FHIP1A: variants seen among roughly 807,000 people sequenced by gnomAD.
FHIP1A encodes FHF complex subunit HOOK-interacting protein 1A.
A neutral mutation model predicts 88.6 loss-of-function variants in FHIP1A; 61 were observed. That is an observed-to-expected ratio of 0.69 (90% CI 0.56 to 0.85). FHIP1A has a LOEUF of 0.85. Among genes scored for constraint, FHIP1A ranks in the 40% least tolerant of loss-of-function variants. The pLI, the probability that FHIP1A is intolerant of heterozygous loss-of-function variation, is 0.00. For missense variants in FHIP1A, 1,154 were observed against 1,273.5 expected (o/e 0.91, Z 1.43); for synonymous variants, 478 against 496.0 (o/e 0.96, Z 0.48).
rs575604913 is a variant in FHIP1A, at chr4:151,588,891, T to C, written c.943T>C (p.Phe315Leu). The change falls in exon 7 of 14, where the codon TTT (phenylalanine) becomes CTT (leucine). Residue 315 changes from phenylalanine (F) to leucine (L), a missense_variant. Coordinates refer to ENST00000435205, the MANE Select transcript of FHIP1A (RefSeq NM_001109977.3). ...NQLVNYIYNG[F>L]LVPVLAPALH... ...GCTTGTCAATTACATTTACAATGGATTTTTGGTACCAGTCTTGGCTCCTGC... is the reference window on the plus strand; with the variant it reads ...GCTTGTCAATTACATTTACAATGGACTTTTGGTACCAGTCTTGGCTCCTGC... 3.2e-6 allele frequency: 5 copies of C among 1,550,882 alleles called. No homozygotes were observed. The highest frequency in any genetic ancestry group is 4.4e-6 in the Non-Finnish European group (5 of 1,146,426).
At chr4:151,616,453 T>C (rs1055999879) in intron 7 of FHIP1A, among the ~76,000 whole-genome samples, 76 of 143,850 alleles carry the variant, frequency 5.3e-4, no homozygotes, top group Non-Finnish European at 9.2e-4. Flanking sequence ...TCTTTTTTTT[T>C]TTTTTTTTTT....
chr4:151,630,571 T>TA (rs1736118972), intron 8 of FHIP1A, among the ~76,000 whole-genome samples: 1 of 152,154 alleles, frequency 6.6e-6, no homozygotes, highest in Non-Finnish European at 1.5e-5. Flanking sequence ...TCTGATAAGT[T>TA]AAAATGTATA....
intron 2 of FHIP1A, among the ~76,000 whole-genome samples, chr4:151,471,309 C>T (rs1377324417): frequency 1.5e-5 from 2 of 133,506 alleles, no homozygotes; most frequent in African/African-American, 2.9e-5. Flanking sequence ...TAAACTTTAG[C>T]GTATTTTTTC....
intron 1 of FHIP1A, among the ~76,000 whole-genome samples, chr4:151,416,205 C>T (rs1732884129): frequency 6.6e-6 from 1 of 152,158 alleles, no homozygotes; most frequent in South Asian, 2.1e-4. Context: ...GACTCAGGCT[C>T]ATTGAGGTGG....
intron 3 of FHIP1A, among the ~76,000 whole-genome samples, chr4:151,509,753 C>G (rs1339779224): frequency 7.6e-6 from 1 of 131,002 alleles, no homozygotes; most frequent in Non-Finnish European, 1.6e-5. Context: ...AATACTGTCT[C>G]TATGTTTGTG....
chr4:151,412,015 A>G (rs1392846231), intron 1 of FHIP1A, among the ~76,000 whole-genome samples: 1 of 152,194 alleles, frequency 6.6e-6, no homozygotes, highest in Non-Finnish European at 1.5e-5. Flanking sequence ...GCTTTCATGT[A>G]CCATGTTTGT....
At chr4:151,581,830 GA>G (rs1220007905) in intron 5 of FHIP1A, among the ~76,000 whole-genome samples, 1 of 152,194 alleles carries the variant, frequency 6.6e-6, no homozygotes, top group African/African-American at 2.4e-5. Flanking sequence ...GAACAGTAAT[GA>G]CTCTTTCAGG....
chr4:151,551,905 G>A (rs1732750165), intron 3 of FHIP1A, among the ~76,000 whole-genome samples: 1 of 152,106 alleles, frequency 6.6e-6, no homozygotes, highest in South Asian at 2.1e-4. Context: ...CCTACAGAAT[G>A]GGAGAAAATT....
rs570954798 is a variant in FHIP1A at position 151,479,077 on chromosome 4, G to C, written c.-247-3447G>C. Among the ~76,000 whole-genome samples the C allele has an allele frequency of 3.3e-5, 5 of 152,194 alleles. No homozygotes were observed. The East Asian group carries it at 9.7e-4, about 29-fold the overall frequency. On this transcript the variant is annotated intron_variant, in intron 2 of 13. Transcript: ENST00000435205. ...AGGGATTGATTGAACAGAAATTGAA[G>C]ATTGAAGCTTCATTTGGTTCAACTT...
chr4:151,423,314 A>G (rs970698516), intron 1 of FHIP1A, among the ~76,000 whole-genome samples: 1 of 151,812 alleles, frequency 6.6e-6, no homozygotes, highest in Non-Finnish European at 1.5e-5. Context: ...TTATATATTA[A>G]TATATTAATT....
intron 3 of FHIP1A, among the ~76,000 whole-genome samples, chr4:151,490,769 A>T (rs1730254686): frequency 6.6e-6 from 1 of 152,128 alleles, no homozygotes; most frequent in Non-Finnish European, 1.5e-5. Context: ...ATGGATGAAA[A>T]AGTCTCCAGA....
At chr4:151,632,805 A>G (rs983249360) in intron 8 of FHIP1A, among the ~76,000 whole-genome samples, 2 of 152,042 alleles carry the variant, frequency 1.3e-5, no homozygotes, top group Non-Finnish European at 1.5e-5. Context: ...AATATACCCA[A>G]ACTTATGAGG....
At position 151,656,319 on chromosome 4, in the gene FHIP1A, C is replaced by T. The variant is rs1322043691; in HGVS notation, c.2639C>T (p.Thr880Ile). The change falls in exon 12 of 14, where the codon ACT becomes ATT. Residue 880 changes from threonine to isoleucine, a missense_variant. Physicochemically the swap from Thr to Ile is moderately conservative, Grantham distance 89. Transcript: ENST00000435205. The surrounding 1 kb of genome is among the most constrained non-coding windows in gnomAD (Gnocchi z 4.2). The part of the protein sequence containing the change: ...HVNLLLIGII[T>I]QLASYPQPLL... ...AATTTGCTGCTTATCGGGATCATTA[C>T]TCAGCTAGCCAGCTACCCCCAGCCA... 1 of 1,551,528 alleles carries T rather than the reference C, an allele frequency of 6.4e-7. No individual in the cohort carries two copies. The highest frequency in any genetic ancestry group is 8.7e-7 in the Non-Finnish European group (1 of 1,146,952).
chr4:151,547,684 C>G (rs368935096), intron 3 of FHIP1A, among the ~76,000 whole-genome samples: 2 of 152,184 alleles, frequency 1.3e-5, no homozygotes, highest in African/African-American at 2.4e-5. Flanking sequence ...GAGGCCAAGG[C>G]GGGCGGATCA....
rs1312340167 is a variant in FHIP1A at position 151,584,000 on chromosome 4, G to A, written c.733-2641G>A. ...CCGTACTTAACATAGTACCTGGCCTGAAATAAGTGTTTGGTATTTTTTTTA... is the reference window on the plus strand; with the variant it reads ...CCGTACTTAACATAGTACCTGGCCTAAAATAAGTGTTTGGTATTTTTTTTA... On this transcript the variant is annotated intron_variant, in intron 5 of 13. Transcript: ENST00000435205. 2.0e-5 allele frequency among the ~76,000 whole-genome samples: 3 copies of A among 152,124 alleles called. No homozygotes were observed. In the East Asian group the frequency reaches 5.8e-4, roughly 29 times the overall value.
intron 8 of FHIP1A, among the ~76,000 whole-genome samples, chr4:151,637,273 C>A (rs753959801): frequency 1.3e-5 from 2 of 151,878 alleles, no homozygotes; most frequent in Admixed American, 6.6e-5. Flanking sequence ...AGATATGACA[C>A]CAAAAGCATG....
At chr4:151,493,452 A>G (rs1730353441) in intron 3 of FHIP1A, among the ~76,000 whole-genome samples, 1 of 152,188 alleles carries the variant, frequency 6.6e-6, no homozygotes, top group Non-Finnish European at 1.5e-5. Context: ...AAAAGAGGGA[A>G]TCCTCCCTAA....
At position 151,473,909 on chromosome 4, in the gene FHIP1A, T is replaced by G. The variant is rs1428744778; in HGVS notation, c.-247-8615T>G. ...GTCAGGCTCTATATAGGGGATGTTTTGGAACTTGACCAGTCTGTCAGTTTT... is the reference window on the plus strand; with the variant it reads ...GTCAGGCTCTATATAGGGGATGTTTGGGAACTTGACCAGTCTGTCAGTTTT... On this transcript the variant is annotated intron_variant, in intron 2 of 13. Coordinates refer to ENST00000435205, the MANE Select transcript of FHIP1A (RefSeq NM_001109977.3). 3.3e-5 allele frequency among the ~76,000 whole-genome samples: 5 copies of G among 152,216 alleles called. No homozygotes were observed. The East Asian group carries it at 9.6e-4, about 29-fold the overall frequency.
Position 151,669,477 on chromosome 4 carries a change from C to G in FHIP1A, c.*6723C>G, listed in dbSNP as rs1737784103. Among the ~76,000 whole-genome samples the G allele has an allele frequency of 2.0e-5, 3 of 152,182 alleles. No individual in the cohort carries two copies. The highest frequency in any genetic ancestry group is 2.0e-4 in the Admixed American group (3 of 15,276). ...CGATGCTTTCTGTAAGGTTTAGTCA[C>G]CAAGAAGCCAGAACTTTTGGTGAAA... On this transcript the variant is annotated 3_prime_UTR_variant, in exon 14 of 14. Coordinates refer to ENST00000435205, the MANE Select transcript of FHIP1A (RefSeq NM_001109977.3).
Sources: allele counts gnomAD v4.1 joint callset (sites outside exome capture counted in the v4.1 genomes callset), GRCh38; gene constraint gnomAD v4.1.1; non-coding constraint Gnocchi (gnomAD v3.1); transcripts MANE v1.5; gene names NCBI Gene and HGNC (gene_info 2026-07-23, HGNC 2026-07-21).